TRIM61: variants seen among roughly 807,000 people sequenced by gnomAD.
TRIM61 encodes the protein putative tripartite motif-containing protein 61.
A neutral mutation model predicts 14.2 loss-of-function variants in TRIM61; 1 was observed. That is an observed-to-expected ratio of 0.07 (90% CI 0.03 to 0.33). The LOEUF is 0.33. TRIM61 is among the 10% of genes least tolerant of loss of function. TRIM61 has a pLI of 0.99. For missense variants in TRIM61, 19 were observed against 202.2 expected, an observed-to-expected ratio of 0.09 and a Z score of 5.49; for synonymous variants, 8 against 71.6, an observed-to-expected ratio of 0.11 and a Z score of 4.49.
Position 164,970,337 on chromosome 4 carries a change from T to C in TRIM61, c.-335A>G, listed in dbSNP as rs1342037501. On this transcript the variant is annotated splice_region_variant and 5_prime_UTR_variant, in exon 3 of 5. Coordinates refer to ENST00000329314, the MANE Select transcript of TRIM61 (RefSeq NM_001012414.3). Reference sequence around the variant, plus strand: ...GCCTCAGGTCCAAGATAGGGAATCCTTCCTATGAGTAAGAAAAGACACCAC... The same window carrying C: ...GCCTCAGGTCCAAGATAGGGAATCCCTCCTATGAGTAAGAAAAGACACCAC... 10 of 255,196 alleles carry C rather than the reference T, an allele frequency of 3.9e-5. No homozygotes were observed. Among genetic ancestry groups the C allele is most frequent in the Non-Finnish European group, 6.7e-5 (9 of 133,538 alleles). The allele number at this position is 255,196 out of a possible 1,614,324, so 15.8% of individuals were successfully genotyped here.
intron 3 of TRIM61, among the ~76,000 whole-genome samples, chr4:164,962,389 T>TTGTGTGTGTG (rs147058101): frequency 2.6e-3 from 385 of 146,506 alleles, no homozygotes; most frequent in African/African-American, 9.2e-3. Context: ...CCTGGCTAAT[T>TTGTGTGTGTG]TGTGTGTGTG....
intron 3 of TRIM61, chr4:164,957,410 A>G: frequency 6.2e-7 from 1 of 1,614,032 alleles, no homozygotes; most frequent in Admixed American, 1.7e-5. Context: ...GAGAACCACC[A>G]TCAGGTCCCA....
At chr4:164,968,841 C>T (rs1230663966) in intron 3 of TRIM61, 2 of 985,942 alleles carry the variant, frequency 2.0e-6, no homozygotes, top group Admixed American at 6.1e-5. Flanking sequence ...CGCCAAATTC[C>T]CCATAATCCA....
chr4:164,957,503 C>G (rs758240822), intron 3 of TRIM61: 2 of 1,595,198 alleles, frequency 1.3e-6, no homozygotes, highest in Non-Finnish European at 8.5e-7. Context: ...ATAGAGCAGG[C>G]TGCCTCAAGG....
intron 3 of TRIM61, chr4:164,958,093 C>G (rs888871930): frequency 1.2e-5 from 2 of 166,968 alleles, no homozygotes; most frequent in Admixed American, 6.5e-5. Flanking sequence ...AAGATTAAGG[C>G]TGTTATTACC....
intron 3 of TRIM61, chr4:164,957,463 G>A (rs1462263310): frequency 6.2e-7 from 1 of 1,613,700 alleles, no homozygotes; most frequent in East Asian, 2.2e-5. Flanking sequence ...GGTCTGCAGT[G>A]GGCTGGCTCC....
At chr4:164,965,253 A>G (rs2111141055) in intron 3 of TRIM61, among the ~76,000 whole-genome samples, 1 of 151,628 alleles carries the variant, frequency 6.6e-6, no homozygotes, top group East Asian at 2.0e-4. Flanking sequence ...GCACCACTGC[A>G]CTCCAGCCTG....
At chr4:164,957,329 A>C in intron 3 of TRIM61, 1 of 1,614,092 alleles carries the variant, frequency 6.2e-7, no homozygotes, top group Non-Finnish European at 8.5e-7. Context: ...TAGTGGCAGC[A>C]TTCCGGCTGT....
chr4:164,961,182 AAAAAAAAAAAAGAAAG>A (rs1732129065), intron 3 of TRIM61, among the ~76,000 whole-genome samples: 1 of 140,544 alleles, frequency 7.1e-6, no homozygotes, highest in African/African-American at 2.6e-5. Context: ...AAAAAAAAAA[AAAAAAAAAAAAGAAAG>A]AAAAATAACA....
chr4:164,955,327 A>T (rs991569090), intron 3 of TRIM61, among the ~76,000 whole-genome samples: 2 of 152,112 alleles, frequency 1.3e-5, no homozygotes, highest in Non-Finnish European at 2.9e-5. Flanking sequence ...ATCTACCATT[A>T]AACAGTCAAC....
intron 2 of TRIM61, among the ~76,000 whole-genome samples, chr4:164,971,570 G>A (rs1732366884): frequency 6.8e-6 from 1 of 148,098 alleles, no homozygotes; most frequent in Admixed American, 6.7e-5. Context: ...CAGCCTGGGT[G>A]ACAGAGGGAA....
chr4:164,968,282 ACAG>A (rs1388868082), intron 3 of TRIM61: 4 of 941,534 alleles, frequency 4.2e-6, no homozygotes, highest in Admixed American at 1.6e-4. Context: ...TATAAGAAAT[ACAG>A]AAAAAAATTA....
At chr4:164,957,267 T>C (rs1560881775) in intron 3 of TRIM61, 1 of 1,614,136 alleles carries the variant, frequency 6.2e-7, no homozygotes, top group Non-Finnish European at 8.5e-7. Flanking sequence ...GAGAAGCGAA[T>C]CGTTTTCTCC....
chr4:164,963,758 A>G (rs953793935), intron 3 of TRIM61, among the ~76,000 whole-genome samples: 8 of 151,904 alleles, frequency 5.3e-5, no homozygotes, highest in Non-Finnish European at 7.4e-5. Context: ...AAAAAAAAAA[A>G]AAAGAAATCA....
intron 3 of TRIM61, 73 bp downstream of exon 3, chr4:164,968,208 C>G (rs1450165395): frequency 1.0e-6 from 1 of 984,352 alleles, no homozygotes; most frequent in East Asian, 1.1e-4. Context: ...ATTTACATAG[C>G]AGTAGTCCAA....
chr4:164,963,180 G>T (rs115453958), intron 3 of TRIM61, among the ~76,000 whole-genome samples: 3,616 of 152,152 alleles, frequency 0.024, 61 homozygotes, highest in Non-Finnish European at 0.027. Context: ...GCTGCCGTGG[G>T]CTGTGATTCT....
intron 3 of TRIM61, among the ~76,000 whole-genome samples, chr4:164,960,966 A>G (rs1457263596): frequency 6.6e-6 from 1 of 152,018 alleles, no homozygotes; most frequent in Non-Finnish European, 1.5e-5. Context: ...AAATGTATAC[A>G]TATATACATA....
chr4:164,967,124 GAAC>G (rs1260711334), intron 3 of TRIM61, among the ~76,000 whole-genome samples: 3 of 152,018 alleles, frequency 2.0e-5, no homozygotes, highest in Non-Finnish European at 4.4e-5. Flanking sequence ...TACTAGTAAT[GAAC>G]AACTAGAATT....
At chr4:164,975,396 G>A (rs1732461007) in intron 2 of TRIM61, among the ~76,000 whole-genome samples, 1 of 152,178 alleles carries the variant, frequency 6.6e-6, no homozygotes, top group Admixed American at 6.6e-5. Flanking sequence ...AGATCAGACT[G>A]TCACTGTGTG....
Sources: allele counts gnomAD v4.1 joint callset (sites outside exome capture counted in the v4.1 genomes callset), GRCh38; gene constraint gnomAD v4.1.1; transcripts MANE v1.5; gene names NCBI Gene and HGNC (gene_info 2026-07-23, HGNC 2026-07-21).